The following KAT6A variants were observed in gnomAD, a reference collection of about 807,000 sequenced individuals.
KAT6A encodes the protein histone acetyltransferase KAT6A.
KAT6A carries 9 observed loss-of-function variants against 198.4 expected under a neutral mutation model. The ratio of observed to expected loss-of-function variants is 0.05; its 90% confidence interval spans 0.03 to 0.08. The LOEUF is 0.08. Ranked by LOEUF, KAT6A falls within the 10% of genes least tolerant of loss-of-function variation. KAT6A has a pLI of 1.00. For synonymous variants in KAT6A, 890 were observed against 883.0 expected, an observed-to-expected ratio of 1.01 and a Z score of -0.14; for missense variants, 2,077 against 2,509.9, an observed-to-expected ratio of 0.83 and a Z score of 3.69.
chr8:41,946,493 TACACACACACACACAC>T lies in KAT6A; in HGVS notation c.1996+82_1996+97del, dbSNP rs60247515. On this transcript the variant is annotated intron_variant, in intron 12 of 16. Coordinates refer to ENST00000265713, the MANE Select transcript of KAT6A (RefSeq NM_006766.5). ...CTACAAATCTTTAAATATATATATA[TACACACACACACACAC>T]ACACACACACACACACACACACACA... 1.6e-3 allele frequency: 530 copies of T among 323,616 alleles called. 5 individuals carry two copies. The highest frequency in any genetic ancestry group is 4.4e-3 in the Middle Eastern group (6 of 1,364). 20.0% of individuals were successfully genotyped at this position (323,616 alleles called of 1,614,324 possible). A position where few individuals can be genotyped will look rare whatever the true frequency, so the allele number is the denominator to read the frequency against.
In KAT6A at chr8:41,987,521, T is replaced by C. The variant is rs1587787898; in HGVS notation, c.643A>G (p.Thr215Ala). 1 of 1,613,740 alleles carries C rather than the reference T, an allele frequency of 6.2e-7. No homozygotes were observed. The highest frequency in any genetic ancestry group is 8.5e-7 in the Non-Finnish European group (1 of 1,179,630). The change falls in exon 3 of 17, where the codon ACA becomes GCA. Residue 215 changes from threonine to alanine, a missense_variant. By Grantham distance (58) the Thr-to-Ala change is moderately conservative. Coordinates refer to ENST00000265713, the MANE Select transcript of KAT6A (RefSeq NM_006766.5). ...TTCTTTTCTCGGTTTTGTTCTTTTG[T>C]ACCAAGACAGAAACTACAGATGGGG... is the stretch of plus-strand genomic sequence containing the variant. ...PIPICSFCLG[T>A]KEQNREKKPE...
intron 2 of KAT6A, among the ~76,000 whole-genome samples, chr8:41,998,940 A>T (rs1825356853): frequency 6.6e-6 from 1 of 152,114 alleles, no homozygotes; most frequent in South Asian, 2.1e-4. Flanking sequence ...TTCCAACATA[A>T]CCCATTAGCC....
At chr8:41,946,723 G>T in intron 11 of KAT6A, 39 bp from the exon 12 acceptor site, 1 of 1,165,792 alleles carries the variant, frequency 8.6e-7, no homozygotes, top group Non-Finnish European at 1.3e-6. Flanking sequence ...AAAACAGGCT[G>T]GTAAAAGTGA....
At chr8:41,948,992 T>C (rs971048298) in intron 10 of KAT6A, among the ~76,000 whole-genome samples, 1 of 152,236 alleles carries the variant, frequency 6.6e-6, no homozygotes, top group Non-Finnish European at 1.5e-5. Flanking sequence ...AGAAATCCTT[T>C]CATTTAAATG....
rs866003923 is a variant in KAT6A at position 41,995,036 on chromosome 8, A to G, written c.601-7473T>C. On this transcript the variant is annotated intron_variant, in intron 2 of 16. Transcript: ENST00000265713. ...GTGCTACTGCACTCCAGCCTGGGCA[A>G]CAAGAGCGAGACTCCATCTCAAAAA... 3.9e-5 allele frequency among the ~76,000 whole-genome samples: 6 copies of G among 152,010 alleles called. 1 individual carries two copies. The Middle Eastern group carries it at 0.01, about 259-fold the overall frequency.
rs1564002470 is a variant in KAT6A, at chr8:41,932,607, C to T, written c.5613G>A (p.Gln1871=). ...SAPLPSAAAH[Q]QQLYGRSPSA... is the part of the protein sequence containing the mutation. ...ATGGGCTACGGCCATACAGCTGCTG[C>T]TGGTGAGCAGCCGCAGAGGGCAGTG... The change falls in exon 17 of 17, where the codon CAG becomes CAA. Residue 1871 remains glutamine (Q), a synonymous_variant. Coordinates refer to ENST00000265713, the MANE Select transcript of KAT6A (RefSeq NM_006766.5). 3 of 1,614,046 alleles carry T rather than the reference C, an allele frequency of 1.9e-6. No homozygotes were observed. Among genetic ancestry groups the T allele is most frequent in the Non-Finnish European group, 2.5e-6 (3 of 1,179,898 alleles).
intron 8 of KAT6A, among the ~76,000 whole-genome samples, chr8:41,962,832 T>C (rs1823276541): frequency 6.6e-6 from 1 of 152,184 alleles, no homozygotes; most frequent in African/African-American, 2.4e-5. Context: ...CTCCTTGTAC[T>C]TCCTTGATCA....
At position 41,931,876 on chromosome 8, in the gene KAT6A, C is replaced by A. The variant is rs1401449986; in HGVS notation, c.*329G>T. 1.6e-5 allele frequency: 4 copies of A among 243,844 alleles called. No individual in the cohort carries two copies. The highest frequency in any genetic ancestry group is 8.8e-5 in the African/African-American group (4 of 45,560). 15.1% of individuals were successfully genotyped at this position (243,844 alleles called of 1,614,324 possible). On this transcript the variant is annotated 3_prime_UTR_variant, in exon 17 of 17. Coordinates refer to ENST00000265713, the MANE Select transcript of KAT6A (RefSeq NM_006766.5). The stretch of plus-strand genomic sequence containing the variant: ...AAAATAAAGATAATTCACTTTTACA[C>A]AAATTCTGTCCATGTGGTATGTAAA...
intron 2 of KAT6A, among the ~76,000 whole-genome samples, chr8:42,044,530 A>G (rs1827818803): frequency 6.6e-6 from 1 of 152,174 alleles, no homozygotes; most frequent in Non-Finnish European, 1.5e-5. Flanking sequence ...GATCTCCCAA[A>G]AGGATCAAAA....
At chr8:41,972,986 C>T (rs1823874468) in intron 8 of KAT6A, among the ~76,000 whole-genome samples, 1 of 152,196 alleles carries the variant, frequency 6.6e-6, no homozygotes, top group Non-Finnish European at 1.5e-5. Flanking sequence ...GGGCAACCTG[C>T]CCAAAGGAGA....
chr8:42,033,219 T>C (rs533899395), intron 2 of KAT6A, among the ~76,000 whole-genome samples: 1 of 152,288 alleles, frequency 6.6e-6, no homozygotes, highest in Non-Finnish European at 1.5e-5. Flanking sequence ...TTTACCTCTG[T>C]CACCACTGAT....
intron 15 of KAT6A, 115 bp from the exon 16 acceptor site, chr8:41,937,683 T>C (rs1189715344): frequency 1.3e-6 from 1 of 748,928 alleles, no homozygotes; most frequent in Non-Finnish European, 2.1e-6. Context: ...AGGATGTTGT[T>C]TGCCAAAAAA....
intron 2 of KAT6A, among the ~76,000 whole-genome samples, chr8:41,988,710 A>C (rs1238962316): frequency 2.0e-5 from 3 of 152,248 alleles, no homozygotes; most frequent in Non-Finnish European, 4.4e-5. Context: ...AATATGACTA[A>C]GTGAACTGAA....
intron 2 of KAT6A, among the ~76,000 whole-genome samples, chr8:42,037,792 ACAT>A (rs1183246721): frequency 6.6e-6 from 1 of 152,060 alleles, no homozygotes; most frequent in Admixed American, 6.6e-5. Flanking sequence ...TATTTTACAA[ACAT>A]CTGTCCTCAA....
In KAT6A at chr8:41,977,284, C is replaced by T; in HGVS notation, c.1087G>A (p.Gly363Ser). The change falls in exon 7 of 17, where the codon GGT (glycine) becomes AGT (serine). Residue 363 changes from glycine to serine, a missense_variant. By Grantham distance (56) the Gly-to-Ser change is moderately conservative. This residue lies in a region of KAT6A where 206 missense variants were observed against 214.9 expected (regional missense o/e 0.96). Transcript: ENST00000265713. Reference sequence around the variant, plus strand: ...GAAAGAGTGATTTTTCGTTTCCTACCCCTTCCAGGGCCAGTTCGAACTTTG... The same window carrying T: ...GAAAGAGTGATTTTTCGTTTCCTACTCCTTCCAGGGCCAGTTCGAACTTTG... Reference protein sequence around the residue: ...FSKVRTGPGRGRKRKITLSSQ... With the variant: ...FSKVRTGPGRSRKRKITLSSQ... 3.7e-6 allele frequency: 6 copies of T among 1,613,992 alleles called. No individual in the cohort carries two copies. The highest frequency in any genetic ancestry group is 2.2e-5 in the South Asian group (2 of 91,064).
intron 3 of KAT6A, among the ~76,000 whole-genome samples, chr8:41,984,591 T>C (rs2150891646): frequency 6.6e-6 from 1 of 152,276 alleles, no homozygotes; most frequent in African/African-American, 2.4e-5. Context: ...AAGTAAAAAA[T>C]GTTTTGTTGC....
chr8:42,029,100 C>T (rs1434323067), intron 2 of KAT6A, among the ~76,000 whole-genome samples: 1 of 151,972 alleles, frequency 6.6e-6, no homozygotes, highest in Non-Finnish European at 1.5e-5. Context: ...TTCATTCTTC[C>T]AGTATTTTGA....
At chr8:41,959,259 T>C (rs770826949) in intron 8 of KAT6A, among the ~76,000 whole-genome samples, 1 of 151,172 alleles carries the variant, frequency 6.6e-6, no homozygotes, top group Non-Finnish European at 1.5e-5. Context: ...TCAACATCAC[T>C]AATAATTAGG....
At chr8:41,981,387 T>A (rs527836318) in intron 4 of KAT6A, among the ~76,000 whole-genome samples, 1 of 152,310 alleles carries the variant, frequency 6.6e-6, no homozygotes, top group Admixed American at 6.5e-5. Flanking sequence ...GTATTAACTA[T>A]GTAAATAGAG....
Sources: gnomAD v4.1 joint callset for allele counts (sites outside exome capture counted in the v4.1 genomes callset) on GRCh38, gnomAD v4.1.1 for gene constraint, gnomAD v4.1.1 regional missense constraint, MANE v1.5 for transcripts, NCBI Gene and HGNC (gene_info 2026-07-23, HGNC 2026-07-21) for gene names.